Variants in CTNNA3 observed in about 807,000 individuals in gnomAD.
The protein encoded by CTNNA3 is catenin alpha-3.
Under a neutral mutation model 95.7 loss-of-function variants are expected in CTNNA3, and 76 were observed. The observed-to-expected ratio is 0.79, with a 90% CI of 0.66 to 0.96. The LOEUF (loss-of-function observed/expected upper bound fraction) is 0.96, where lower values mean the gene tolerates loss of function less well. Among genes scored for constraint, CTNNA3 ranks in the 40% least tolerant of loss-of-function variants. CTNNA3 has a pLI of 0.00. For missense variants in CTNNA3, 1,191 were observed against 1,089.8 expected, an observed-to-expected ratio of 1.09 and a Z score of -1.31; for synonymous variants, 431 against 374.4, an observed-to-expected ratio of 1.15 and a Z score of -1.74.
chr10:66,630,682 T>A (rs1374778648), intron 9 of CTNNA3, among the ~76,000 whole-genome samples: 2 of 152,132 alleles, frequency 1.3e-5, no homozygotes, highest in African/African-American at 4.8e-5. Context: ...CTCCCCATGT[T>A]GGCACCGAAT....
At chr10:67,205,424 C>G (rs1230714189) in intron 6 of CTNNA3, among the ~76,000 whole-genome samples, 2 of 152,022 alleles carry the variant, frequency 1.3e-5, no homozygotes, top group African/African-American at 2.4e-5. Context: ...TATTTACCCA[C>G]CAAAATTGCA....
chr10:66,275,705 T>C lies in CTNNA3; in HGVS notation c.1884+4765A>G, dbSNP rs541530792. ...TGGATAAGATAACATTCTACATTGG[T>C]TAGTGACTATCTGAAACTGTAAAAG... On this transcript the variant is annotated intron_variant, in intron 13 of 17. Transcript: ENST00000433211. Among the ~76,000 whole-genome samples, 389 of 152,242 alleles carry C rather than the reference T, an allele frequency of 2.6e-3. 1 individual carries two copies. The highest frequency in any genetic ancestry group is 4.2e-3 in the Non-Finnish European group (285 of 68,010).
intron 1 of CTNNA3, among the ~76,000 whole-genome samples, chr10:67,658,176 C>G (rs1017986057): frequency 6.6e-6 from 1 of 152,170 alleles, no homozygotes; most frequent in Non-Finnish European, 1.5e-5. Context: ...GTTCCCTGCT[C>G]GCTGGTGACT....
intron 7 of CTNNA3, among the ~76,000 whole-genome samples, chr10:66,892,961 A>T (rs1049201529): frequency 6.6e-6 from 1 of 152,150 alleles, no homozygotes; most frequent in Non-Finnish European, 1.5e-5. Flanking sequence ...GAGCATAATT[A>T]TATGGCTCTC....
intron 11 of CTNNA3, among the ~76,000 whole-genome samples, chr10:66,455,501 C>T (rs2093489858): frequency 6.6e-6 from 1 of 152,080 alleles, no homozygotes; most frequent in Non-Finnish European, 1.5e-5. Context: ...CAGAACCAAC[C>T]TCTAGGTGTC....
rs1272893094 is a variant in CTNNA3 at position 65,920,452 on chromosome 10, T to G, written c.2566A>C (p.Lys856Gln). 1 of 1,614,164 alleles carries G rather than the reference T, an allele frequency of 6.2e-7. No individual in the cohort carries two copies. Among genetic ancestry groups the G allele is most frequent in the East Asian group, 2.2e-5 (1 of 44,882 alleles). Residue 856 changes from lysine (K) to glutamine (Q), a missense_variant, in exon 18 of 18, where the codon AAA (lysine) becomes CAA (glutamine). Lys to Gln is a moderately conservative substitution (Grantham distance 53). Transcript: ENST00000433211. ...VMWRMKAPAK[K>Q]PLIKREKPEE... ...GGCTTCTCTCTTTTAATCAAGGGTT[T>G]TTTTGCAGGAGCCTTCATTCTCCAC...
chr10:66,848,620 A>G (rs959515815), intron 7 of CTNNA3, among the ~76,000 whole-genome samples: 3 of 152,190 alleles, frequency 2.0e-5, no homozygotes, highest in Non-Finnish European at 4.4e-5. Flanking sequence ...ATTTCACCTT[A>G]TGAGCTTATA....
chr10:67,013,990 A>G (rs1852496755), intron 7 of CTNNA3, among the ~76,000 whole-genome samples: 1 of 152,104 alleles, frequency 6.6e-6, no homozygotes, highest in Non-Finnish European at 1.5e-5. Flanking sequence ...TTTTATAAAC[A>G]CTCCAGAGAA....
intron 7 of CTNNA3, among the ~76,000 whole-genome samples, chr10:66,875,398 A>T (rs1230631088): frequency 2.8e-4 from 14 of 50,240 alleles, no homozygotes; most frequent in Non-Finnish European, 5.0e-5. Flanking sequence ...TGTTATTTAA[A>T]AAAAAAAAAA....
chr10:65,945,232 T>C (rs1204449167), intron 17 of CTNNA3, among the ~76,000 whole-genome samples: 3 of 152,024 alleles, frequency 2.0e-5, no homozygotes, highest in Admixed American at 1.3e-4. Context: ...AAGGCTATGG[T>C]TGGCTCAATT....
chr10:67,547,729 GA>G (rs1335004686), intron 3 of CTNNA3, among the ~76,000 whole-genome samples: 1 of 152,176 alleles, frequency 6.6e-6, no homozygotes, highest in East Asian at 1.9e-4. Flanking sequence ...AAAATTTAGT[GA>G]AGATAAACAT....
intron 9 of CTNNA3, among the ~76,000 whole-genome samples, chr10:66,756,396 C>T (rs189800765): frequency 6.6e-6 from 1 of 152,266 alleles, no homozygotes; most frequent in East Asian, 1.9e-4. Flanking sequence ...ACAAAGCGAT[C>T]AACGCAATTC....
chr10:67,478,073 G>A lies in CTNNA3; in HGVS notation c.579+43769C>T, dbSNP rs1300343136. On this transcript the variant is annotated intron_variant, in intron 5 of 17. Coordinates refer to ENST00000433211, the MANE Select transcript of CTNNA3 (RefSeq NM_013266.4). Reference sequence around the variant, plus strand: ...CTTTATCAATTGCCAAGATCAACATGAAGAAAGAATTTCAGAGCTTGAAGA... The same window carrying A: ...CTTTATCAATTGCCAAGATCAACATAAAGAAAGAATTTCAGAGCTTGAAGA... Among the ~76,000 whole-genome samples the A allele has an allele frequency of 2.6e-5, 4 of 152,120 alleles. No individual in the cohort carries two copies. In the East Asian group the frequency reaches 7.7e-4, roughly 29 times the overall value.
intron 13 of CTNNA3, among the ~76,000 whole-genome samples, chr10:66,115,328 G>A (rs1280021611): frequency 6.6e-6 from 1 of 152,134 alleles, no homozygotes. Context: ...CCCTTACCAG[G>A]TCCCATGCTA....
intron 5 of CTNNA3, among the ~76,000 whole-genome samples, chr10:67,446,552 A>G (rs1846755813): frequency 6.6e-6 from 1 of 152,232 alleles, no homozygotes; most frequent in African/African-American, 2.4e-5. Flanking sequence ...CCTGTTGAAA[A>G]TAAGAGACCC....
At chr10:67,416,499 T>C (rs1845546041) in intron 5 of CTNNA3, among the ~76,000 whole-genome samples, 1 of 150,374 alleles carries the variant, frequency 6.7e-6, no homozygotes, top group Non-Finnish European at 1.5e-5. Flanking sequence ...TCCCAGCTAC[T>C]TGGGAGACTG....
At chr10:66,818,340 T>C (rs1842169738) in intron 7 of CTNNA3, among the ~76,000 whole-genome samples, 1 of 152,128 alleles carries the variant, frequency 6.6e-6, no homozygotes, top group Admixed American at 6.6e-5. Context: ...TGAAGTTATC[T>C]TTACTTTAAA....
Position 66,360,670 on chromosome 10 carries a change from C to CCTTCCTTCCTTCCTTTTCTTTCTTT in CTNNA3, c.1732+18481_1732+18482insAAAGAAAGAAAAGGAAGGAAGGAAG, listed in dbSNP as rs2092654074. ...TTCTTTCTTTCTTTCTTCCTTCCTT[C>CCTTCCTTCCTTCCTTTTCTTTCTTT]CTTCCTTCCTTCCTTCCTTCCTTTT... On this transcript the variant is annotated intron_variant, in intron 12 of 17. Transcript: ENST00000433211. Among the ~76,000 whole-genome samples the CCTTCCTTCCTTCCTTTTCTTTCTTT allele has an allele frequency of 8.9e-4, 46 of 51,554 alleles. 2 individuals carry two copies. The highest frequency in any genetic ancestry group is 2.1e-3 in the African/African-American group (41 of 19,586). 33.8% of individuals were successfully genotyped at this position (51,554 alleles called of 152,430 possible). A position where few individuals can be genotyped will look rare whatever the true frequency, so the allele number is the denominator to read the frequency against.
intron 3 of CTNNA3, among the ~76,000 whole-genome samples, chr10:67,547,894 A>G (rs577573751): frequency 1.3e-5 from 2 of 152,366 alleles, no homozygotes; most frequent in East Asian, 3.9e-4. Flanking sequence ...ACCTAAATAA[A>G]TGATCATATC....
Sources: allele counts gnomAD v4.1 joint callset (sites outside exome capture counted in the v4.1 genomes callset), GRCh38; gene constraint gnomAD v4.1.1; transcripts MANE v1.5; gene names NCBI Gene and HGNC (gene_info 2026-07-23, HGNC 2026-07-21).